DNAH14: variants seen among roughly 807,000 people sequenced by gnomAD.
The protein encoded by DNAH14 is axonemal beta dynein heavy chain 14.
In DNAH14, 478 loss-of-function variants were observed where a neutral mutation model predicts 520.9. The ratio of observed to expected loss-of-function variants is 0.92; its 90% CI spans 0.85 to 0.99. The LOEUF is 0.99. DNAH14 is among the 50% of genes least tolerant of loss of function. The probability of loss-of-function intolerance (pLI) is 0.00; values close to 1 mark genes in which losing one functional copy is unlikely to be tolerated. For synonymous variants in DNAH14, 1,581 were observed against 1,757.2 expected (o/e 0.90, Z 2.51); for missense variants, 4,831 against 5,234.5 (o/e 0.92, Z 2.38).
In DNAH14 at chr1:225,100,823, G is replaced by T. The variant is rs1173546192; in HGVS notation, c.3806G>T (p.Gly1269Val). The change falls in exon 23 of 86, where the codon GGA becomes GTA. Residue 1269 changes from glycine (G) to valine (V), a missense_variant. Gly to Val is a moderately radical substitution (Grantham distance 109). Transcript: ENST00000682510. Reference protein sequence around the residue: ...QNALQITTSAGVLEILQNCNI... With the variant: ...QNALQITTSAVVLEILQNCNI... ...GCTTTGCAGATAACCACTTCTGCAGGAGTCCTTGAAATTCTGCAAAATTGT... is the reference window on the plus strand; with the variant it reads ...GCTTTGCAGATAACCACTTCTGCAGTAGTCCTTGAAATTCTGCAAAATTGT... The T allele has an allele frequency of 5.2e-6, 8 of 1,534,038 alleles. No individual in the cohort carries two copies. The South Asian group carries it at 1.0e-4, about 19-fold the overall frequency.
At chr1:225,279,856 A>C (rs1053435367) in intron 54 of DNAH14, among the ~76,000 whole-genome samples, 9 of 151,598 alleles carry the variant, frequency 5.9e-5, no homozygotes, top group African/African-American at 1.9e-4. Flanking sequence ...CTTGGCAGAT[A>C]TCCGAAATAC....
chr1:225,111,219 A>G (rs1378453815), intron 23 of DNAH14, among the ~76,000 whole-genome samples: 9 of 152,188 alleles, frequency 5.9e-5, no homozygotes. Flanking sequence ...TGGAGTATTG[A>G]AGTCTCCAAC....
At chr1:225,325,345 C>G (rs1302964594) in intron 64 of DNAH14, among the ~76,000 whole-genome samples, 2 of 151,848 alleles carry the variant, frequency 1.3e-5, no homozygotes, top group Non-Finnish European at 2.9e-5. Context: ...ATTAGCTGGG[C>G]GTGGTGGCAG....
intron 37 of DNAH14, among the ~76,000 whole-genome samples, chr1:225,190,744 C>T: frequency 6.6e-6 from 1 of 152,094 alleles, no homozygotes; most frequent in South Asian, 2.1e-4. Flanking sequence ...AGTGAGAAGG[C>T]AGTTATCAGC....
At chr1:225,348,474 AG>A (rs1323480104) in intron 71 of DNAH14, among the ~76,000 whole-genome samples, 1 of 152,184 alleles carries the variant, frequency 6.6e-6, no homozygotes, top group Non-Finnish European at 1.5e-5. Context: ...TCTTGAAAGC[AG>A]CAAGAGAAAA....
Position 225,331,584 on chromosome 1 carries a change from C to G in DNAH14, c.9864+7C>G, listed in dbSNP as rs1330326030. 6.4e-7 allele frequency: 1 copy of G among 1,551,160 alleles called. No individual in the cohort carries two copies. The highest frequency in any genetic ancestry group is 2.4e-5 in the East Asian group (1 of 40,926). ...TGTCCTGGAAGATGAGAAGGCATGACTTACTTTGGTCTTATATCTCGTCCA... is the reference window on the plus strand; with the variant it reads ...TGTCCTGGAAGATGAGAAGGCATGAGTTACTTTGGTCTTATATCTCGTCCA... On this transcript the variant is annotated splice_region_variant and intron_variant, in intron 65 of 85. Coordinates refer to ENST00000682510, the MANE Select transcript of DNAH14 (RefSeq NM_001367479.1).
At chr1:225,095,950 T>C (rs189028958) in intron 21 of DNAH14, among the ~76,000 whole-genome samples, 6 of 152,268 alleles carry the variant, frequency 3.9e-5, no homozygotes, top group Admixed American at 3.9e-4. Flanking sequence ...TTAAAATTCA[T>C]AAAATTGTAT....
chr1:225,284,685 A>C (rs561293253), intron 54 of DNAH14, among the ~76,000 whole-genome samples: 1 of 152,336 alleles, frequency 6.6e-6, no homozygotes, highest in South Asian at 2.1e-4. Flanking sequence ...ATCATGAGAA[A>C]AGAAAACTAC....
At chr1:225,389,933 T>C (rs74877415) in intron 83 of DNAH14, 60 bp downstream of exon 83, 74,394 of 1,470,226 alleles carry the variant, frequency 0.051, 2,068 homozygotes, top group South Asian at 0.059. Context: ...CACTCAGTCC[T>C]TCTGTCACTC....
chr1:225,391,209 C>G (rs1439411793), intron 83 of DNAH14, among the ~76,000 whole-genome samples: 1 of 152,202 alleles, frequency 6.6e-6, no homozygotes, highest in East Asian at 1.9e-4. Flanking sequence ...GCAGAAACCA[C>G]TGAAGTGTTC....
intron 61 of DNAH14, 95 bp downstream of exon 61, chr1:225,318,772 TA>T: frequency 8.8e-7 from 1 of 1,131,864 alleles, no homozygotes. Flanking sequence ...GCCTATATAC[TA>T]AGCCTATATT....
rs561554673 is a variant in DNAH14 at position 225,269,418 on chromosome 1, G to T, written c.7540-1317G>T. 7.2e-4 allele frequency among the ~76,000 whole-genome samples: 109 copies of T among 152,274 alleles called. 1 individual carries two copies. The highest frequency in any genetic ancestry group is 2.0e-3 in the Admixed American group (30 of 15,298). ...CAATACCATTCAGGACATAGGCATG[G>T]CCAAGGACTTCATGTCTAAAACACC... On this transcript the variant is annotated intron_variant, in intron 49 of 85. Transcript: ENST00000682510.
Position 225,270,615 on chromosome 1 carries a change from A to G in DNAH14, c.7540-120A>G, listed in dbSNP as rs1227522928. ...ATCTTTGTTTTTGCAATAAATAGTA[A>G]TTAAATCTTTTTGTCTAAATGTTTT... is the stretch of plus-strand genomic sequence containing the variant. On this transcript the variant is annotated intron_variant, in intron 49 of 85. Coordinates refer to ENST00000682510, the MANE Select transcript of DNAH14 (RefSeq NM_001367479.1). 5 of 831,542 alleles carry G rather than the reference A, an allele frequency of 6.0e-6. No individual in the cohort carries two copies. The African/African-American group carries it at 6.9e-5, about 12-fold the overall frequency. The allele number at this position is 831,542 out of a possible 1,614,324, so 51.5% of individuals were successfully genotyped here. A position where few individuals can be genotyped will look rare whatever the true frequency, so the allele number is the denominator to read the frequency against.
chr1:225,058,182 C>T (rs541053839), intron 17 of DNAH14, among the ~76,000 whole-genome samples: 43 of 152,232 alleles, frequency 2.8e-4, no homozygotes, highest in African/African-American at 9.9e-4. Flanking sequence ...GGTTGGTAGG[C>T]TATTAATTAT....
At chr1:225,004,150 A>G (rs2449285) in intron 9 of DNAH14, among the ~76,000 whole-genome samples, 146,069 of 152,206 alleles carry the variant, frequency 0.96, 70,148 homozygotes, top group East Asian at 1. Context: ...GCTGTGCAAA[A>G]GAGATGAATA....
chr1:225,390,614 A>T (rs1311239429), intron 83 of DNAH14, among the ~76,000 whole-genome samples: 1 of 152,198 alleles, frequency 6.6e-6, no homozygotes, highest in Admixed American at 6.5e-5. Flanking sequence ...AGAACCAGGC[A>T]AGCCCGCTAA....
Position 225,333,380 on chromosome 1 carries a change from C to T in DNAH14, c.9954C>T (p.Tyr3318=). 6.4e-7 allele frequency: 1 copy of T among 1,551,690 alleles called. No individual in the cohort carries two copies. Among genetic ancestry groups the T allele is most frequent in the Non-Finnish European group, 8.7e-7 (1 of 1,146,908 alleles). ...TTCTTTCAGCAGCGTGCATTGTCTA[C>T]AGTGGAATTTTAACACCAGAATTTC... is the stretch of plus-strand genomic sequence containing the variant. The part of the protein sequence containing the change: ...DILLSAACIV[Y]SGILTPEFRQ... Residue 3318 remains tyrosine, a synonymous_variant, in exon 66 of 86, where the codon TAC becomes TAT. Transcript: ENST00000682510.
rs1003340951 is a variant in DNAH14 at position 225,374,823 on chromosome 1, C to T, written c.12454C>T (p.Leu4152=). Residue 4152 remains leucine (L), a synonymous_variant, in exon 78 of 86, where the codon CTA becomes TTA. Coordinates refer to ENST00000682510, the MANE Select transcript of DNAH14 (RefSeq NM_001367479.1). ...DNWDKRCLKT[L]LYKFCNPEVL... is the part of the protein sequence containing the mutation. ...TTGGGACAAGCGATGCTTGAAGACC[C>T]TACTCTACAAATTTTGTAATCCTGA... 6.4e-6 allele frequency: 10 copies of T among 1,551,464 alleles called. No homozygotes were observed. In the East Asian group the frequency reaches 2.2e-4, roughly 34 times the overall value.
intron 36 of DNAH14, among the ~76,000 whole-genome samples, chr1:225,172,161 G>A (rs1246340393): frequency 1.3e-5 from 2 of 152,154 alleles, no homozygotes; most frequent in African/African-American, 2.4e-5. Flanking sequence ...ATATCATACT[G>A]AATGGACAAA....
Sources: allele counts gnomAD v4.1 joint callset (sites outside exome capture counted in the v4.1 genomes callset), GRCh38; gene constraint gnomAD v4.1.1; transcripts MANE v1.5; gene names NCBI Gene and HGNC (gene_info 2026-07-23, HGNC 2026-07-21).